ZNF730: variants seen among roughly 807,000 people sequenced by gnomAD.
ZNF730 encodes zinc finger protein 730, also known as putative zinc finger protein 730.
A neutral mutation model predicts 12.6 loss-of-function variants in ZNF730; 12 were observed. That is an observed-to-expected ratio of 0.95 (90% CI 0.61 to 1.54). The LOEUF (loss-of-function observed/expected upper bound fraction) is 1.54. Among genes scored for constraint, ZNF730 ranks in the 40% most tolerant of loss-of-function variants. The probability of loss-of-function intolerance (pLI) is 0.00; values close to 1 mark genes in which losing one functional copy is unlikely to be tolerated. For missense variants in ZNF730, 643 were observed against 583.5 expected (o/e 1.10, Z -1.05); for synonymous variants, 194 against 195.8 (o/e 0.99, Z 0.08).
intron 1 of ZNF730, among the ~76,000 whole-genome samples, chr19:23,132,584 A>T (rs1007921938): frequency 9.3e-5 from 14 of 151,016 alleles, no homozygotes; most frequent in African/African-American, 3.2e-4. Context: ...AATCTGCAAT[A>T]TTAAAAATGT....
At chr19:23,084,633 C>T (rs1970026579) in intron 1 of ZNF730, among the ~76,000 whole-genome samples, 1 of 152,142 alleles carries the variant, frequency 6.6e-6, no homozygotes. Flanking sequence ...CTCTGAAAGG[C>T]CCCAGTGTGT....
chr19:23,146,112 T>G lies in ZNF730; in HGVS notation c.1068T>G (p.Asn356Lys). Residue 356 changes from asparagine (N) to lysine (K), a missense_variant, in exon 4 of 4, where the codon AAT becomes AAG. By Grantham distance (94) the Asn-to-Lys change is moderately conservative. Transcript: ENST00000597761. ...GKAFNRSSTL[N>K]RHKITHTGGK... ...CTTTTAACCGATCCTCAACCCTTAA[T>G]AGACATAAGATAACTCATACTGGAG... The G allele has an allele frequency of 5.0e-6, 8 of 1,610,082 alleles. No individual in the cohort carries two copies. Among genetic ancestry groups the G allele is most frequent in the Non-Finnish European group, 6.8e-6 (8 of 1,177,866 alleles).
intron 1 of ZNF730, among the ~76,000 whole-genome samples, chr19:23,130,055 A>G (rs1970728455): frequency 6.6e-6 from 1 of 151,504 alleles, no homozygotes; most frequent in African/African-American, 2.4e-5. Flanking sequence ...TTTGCAATGT[A>G]AAGACATTAG....
intron 1 of ZNF730, among the ~76,000 whole-genome samples, chr19:23,091,117 A>G (rs1970153065): frequency 6.6e-6 from 1 of 152,084 alleles, no homozygotes; most frequent in Non-Finnish European, 1.5e-5. Context: ...GCCATGGCTG[A>G]AAGGGGCCAA....
intron 1 of ZNF730, chr19:23,095,733 A>G (rs754390494): frequency 2.2e-5 from 7 of 315,596 alleles, no homozygotes; most frequent in East Asian, 9.9e-5. Context: ...CCCTTTGACT[A>G]TTTTATGTGA....
At chr19:23,077,971 A>G (rs1487568811) in intron 1 of ZNF730, among the ~76,000 whole-genome samples, 2 of 152,182 alleles carry the variant, frequency 1.3e-5, no homozygotes, top group Non-Finnish European at 2.9e-5. Flanking sequence ...GCTTAAAGGC[A>G]GTATGCTTGT....
chr19:23,081,538 T>G (rs1290153068), intron 1 of ZNF730, among the ~76,000 whole-genome samples: 76 of 152,172 alleles, frequency 5.0e-4, no homozygotes, highest in Admixed American at 8.5e-4. Context: ...CAGGCTGGTC[T>G]CAAATTCCTG....
rs1970997835 is a variant in ZNF730, at chr19:23,145,841, A to G, written c.797A>G (p.Asn266Ser). 1 of 1,604,522 alleles carries G rather than the reference A, an allele frequency of 6.2e-7. No individual in the cohort carries two copies. Residue 266 changes from asparagine (N) to serine (S), a missense_variant, in exon 4 of 4, where the codon AAC (asparagine) becomes AGC (serine). By Grantham distance (46) the Asn-to-Ser change is conservative. Transcript: ENST00000597761. ...YQCEKCGKFF[N>S]QSTNLTTHKR... is the part of the protein sequence containing the mutation. ...TGTGAGAAATGTGGCAAATTTTTTA[A>G]CCAATCCACAAACCTTACTACACAT...
At chr19:23,108,326 C>T (rs1423308675) in intron 1 of ZNF730, among the ~76,000 whole-genome samples, 1 of 151,884 alleles carries the variant, frequency 6.6e-6, no homozygotes, top group Non-Finnish European at 1.5e-5. Flanking sequence ...AACACCACCA[C>T]CCCCTCCCAC....
At chr19:23,087,014 A>G (rs1970073711) in intron 1 of ZNF730, among the ~76,000 whole-genome samples, 1 of 147,376 alleles carries the variant, frequency 6.8e-6, no homozygotes, top group Non-Finnish European at 1.5e-5. Context: ...CTCCCTTGTT[A>G]GCTGTATTCC....
chr19:23,102,418 A>G (rs1039860511), intron 1 of ZNF730, among the ~76,000 whole-genome samples: 5 of 151,766 alleles, frequency 3.3e-5, no homozygotes, highest in Non-Finnish European at 7.4e-5. Flanking sequence ...ATCTCTCCCT[A>G]TTCACAGGTA....
At chr19:23,086,122 C>A (rs142250887) in intron 1 of ZNF730, among the ~76,000 whole-genome samples, 1 of 152,072 alleles carries the variant, frequency 6.6e-6, no homozygotes, top group Non-Finnish European at 1.5e-5. Flanking sequence ...TGATTACAGG[C>A]GTGAGCCGCC....
At chr19:23,139,290 A>G (rs1310719045) in intron 3 of ZNF730, among the ~76,000 whole-genome samples, 1 of 152,172 alleles carries the variant, frequency 6.6e-6, no homozygotes, top group African/African-American at 2.4e-5. Context: ...AGCTTGGATT[A>G]CAGCAGTTTC....
At chr19:23,085,843 T>C (rs1267382115) in intron 1 of ZNF730, among the ~76,000 whole-genome samples, 2 of 85,788 alleles carry the variant, frequency 2.3e-5, no homozygotes, top group Non-Finnish European at 2.3e-5. Flanking sequence ...TTTCTTTTTT[T>C]TTTTTTTTTT....
In ZNF730 at chr19:23,146,385, T is replaced by G; in HGVS notation, c.1341T>G (p.Thr447=). The change falls in exon 4 of 4, where the codon ACT becomes ACG. Residue 447 remains threonine, a synonymous_variant. Coordinates refer to ENST00000597761, the MANE Select transcript of ZNF730 (RefSeq NM_001277403.2). The stretch of plus-strand genomic sequence containing the variant: ...TTACTACACATAAAAGAATTCATAC[T>G]GGAGAGAAACCCTATGAATGTGAAG... The part of the protein sequence containing the change: ...STLTTHKRIH[T]GEKPYECEEC... 1 of 1,613,454 alleles carries G rather than the reference T, an allele frequency of 6.2e-7. No individual in the cohort carries two copies. Among genetic ancestry groups the G allele is most frequent in the Non-Finnish European group, 8.5e-7 (1 of 1,179,840 alleles).
intron 1 of ZNF730, among the ~76,000 whole-genome samples, chr19:23,128,998 G>A (rs993829112): frequency 6.6e-6 from 1 of 152,144 alleles, no homozygotes; most frequent in African/African-American, 2.4e-5. Context: ...GAAGCCCCAA[G>A]CCTTGGCAGC....
intron 1 of ZNF730, chr19:23,128,407 T>A (rs554899076): frequency 6.3e-5 from 27 of 429,330 alleles, no homozygotes; most frequent in African/African-American, 4.6e-4. Context: ...TGCTGCTATG[T>A]GAGAGAATCC....
In ZNF730 at chr19:23,145,723, C is replaced by A. The variant is rs1319053829; in HGVS notation, c.679C>A (p.Pro227Thr). The change falls in exon 4 of 4, where the codon CCT (proline) becomes ACT (threonine). Residue 227 changes from proline to threonine, a missense_variant. Pro to Thr is a conservative substitution (Grantham distance 38, BLOSUM62 -1). Coordinates refer to ENST00000597761, the MANE Select transcript of ZNF730 (RefSeq NM_001277403.2). ...ACATAAAAGAATTACTGAGAAAAAA[C>A]CTTACAAATGTAAAGAATGTGGCAA... ...TTHKRITEKK[P>T]YKCKECGKAF... The A allele has an allele frequency of 6.4e-7, 1 of 1,557,462 alleles. No individual in the cohort carries two copies. Among genetic ancestry groups the A allele is most frequent in the Non-Finnish European group, 8.7e-7 (1 of 1,152,466 alleles).
Position 23,117,100 on chromosome 19 carries a change from C to G in ZNF730, c.-74C>G. ...GTGTCCTCTGCACGTAGAAGCCCAG[C>G]CTGTGTGGCCCTGCGACCTGCGGGT... On this transcript the variant is annotated 5_prime_UTR_variant, in exon 1 of 4. Coordinates refer to ENST00000597761, the MANE Select transcript of ZNF730 (RefSeq NM_001277403.2). The G allele has an allele frequency of 2.5e-6, 4 of 1,609,940 alleles. No individual in the cohort carries two copies. The highest frequency in any genetic ancestry group is 2.5e-6 in the Non-Finnish European group (3 of 1,176,794).
Sources: gnomAD v4.1 joint callset for allele counts (sites outside exome capture counted in the v4.1 genomes callset) on GRCh38, gnomAD v4.1.1 for gene constraint, MANE v1.5 for transcripts, NCBI Gene and HGNC (gene_info 2026-07-23, HGNC 2026-07-21) for gene names.